ATP2B2: variants seen among roughly 807,000 people sequenced by gnomAD.
ATP2B2 encodes ATPase plasma membrane Ca2+ transporting 2.
Under a neutral mutation model 120.0 loss-of-function variants are expected in ATP2B2, and 15 were observed. The ratio of observed to expected loss-of-function variants is 0.12; its 90% CI spans 0.08 to 0.19. The LOEUF is 0.19. ATP2B2 is among the 10% of genes least tolerant of loss of function. The probability of loss-of-function intolerance (pLI) is 1.00; values close to 1 mark genes in which losing one functional copy is unlikely to be tolerated. For missense variants in ATP2B2, 1,045 were observed against 1,719.8 expected (o/e 0.61, Z 6.94); for synonymous variants, 694 against 700.3 (o/e 0.99, Z 0.14).
At chr3:10,384,467 T>G (rs1837180) in intron 8 of ATP2B2, among the ~76,000 whole-genome samples, 1 of 151,964 alleles carries the variant, frequency 6.6e-6, no homozygotes, top group African/African-American at 2.4e-5. Context: ...AACAAAAGCC[T>G]TGTCTGTTGC....
intron 1 of ATP2B2, among the ~76,000 whole-genome samples, chr3:10,676,524 C>CCACACACA (rs150121114): frequency 3.6e-4 from 54 of 149,210 alleles, no homozygotes; most frequent in African/African-American, 5.9e-4. Context: ...AGGGACAGAA[C>CCACACACA]CACACACACA....
At chr3:10,447,092 C>T (rs1384965011) in intron 2 of ATP2B2, among the ~76,000 whole-genome samples, 1 of 152,234 alleles carries the variant, frequency 6.6e-6, no homozygotes, top group African/African-American at 2.4e-5. Flanking sequence ...AGTGCTGAGT[C>T]CTGGGGTCCT....
intron 1 of ATP2B2, among the ~76,000 whole-genome samples, chr3:10,679,729 C>A (rs899257884): frequency 6.6e-6 from 1 of 152,210 alleles, no homozygotes; most frequent in African/African-American, 2.4e-5. Flanking sequence ...GAAGCAGATT[C>A]ATGTGAATAT....
chr3:10,546,903 C>T (rs574713570), intron 2 of ATP2B2, among the ~76,000 whole-genome samples: 10 of 152,332 alleles, frequency 6.6e-5, no homozygotes, highest in Non-Finnish European at 1.2e-4. Context: ...CCAGACCCTC[C>T]GCTGCCATCA....
At chr3:10,589,156 C>A (rs1442117476) in intron 2 of ATP2B2, among the ~76,000 whole-genome samples, 1 of 152,146 alleles carries the variant, frequency 6.6e-6, no homozygotes, top group Non-Finnish European at 1.5e-5. Context: ...GCTGGCAGAG[C>A]AACACATGGC....
chr3:10,647,537 T>TG (rs2070352133), intron 1 of ATP2B2, among the ~76,000 whole-genome samples: 1 of 152,020 alleles, frequency 6.6e-6, no homozygotes, highest in Admixed American at 6.5e-5. Flanking sequence ...TGTGGGGAAG[T>TG]GGGGAGGATG....
chr3:10,453,114 C>A (rs189343400), intron 1 of ATP2B2, among the ~76,000 whole-genome samples: 2 of 152,206 alleles, frequency 1.3e-5, no homozygotes, highest in Non-Finnish European at 2.9e-5. Flanking sequence ...ATATCTATCT[C>A]AGAGACGCTG....
At chr3:10,645,794 TG>T (rs2070306856) in intron 1 of ATP2B2, among the ~76,000 whole-genome samples, 1 of 152,212 alleles carries the variant, frequency 6.6e-6, no homozygotes, top group African/African-American at 2.4e-5. Context: ...GGGTGATAAT[TG>T]GGTTCCCTTT....
chr3:10,665,971 C>T (rs745644), intron 1 of ATP2B2, among the ~76,000 whole-genome samples: 3,498 of 152,238 alleles, frequency 0.023, 67 homozygotes, highest in South Asian at 0.086. Context: ...CCTGAATGCC[C>T]CTCACTATGC....
At chr3:10,624,603 T>C (rs548422381) in intron 1 of ATP2B2, among the ~76,000 whole-genome samples, 1 of 152,334 alleles carries the variant, frequency 6.6e-6, no homozygotes, top group Non-Finnish European at 1.5e-5. Flanking sequence ...CACGGCTTTG[T>C]CATGTGCCAA....
chr3:10,606,165 T>C (rs2069060141), intron 2 of ATP2B2, among the ~76,000 whole-genome samples: 1 of 152,150 alleles, frequency 6.6e-6, no homozygotes, highest in Non-Finnish European at 1.5e-5. Context: ...CTCGGGTTGC[T>C]GTTTCCAGTG....
intron 3 of ATP2B2, among the ~76,000 whole-genome samples, chr3:10,531,006 G>T (rs551116783): frequency 6.6e-6 from 1 of 152,290 alleles, no homozygotes; most frequent in Non-Finnish European, 1.5e-5. Flanking sequence ...CCCTCAGTTG[G>T]TTTTCCTCTC....
At chr3:10,472,036 G>A (rs919914143) in intron 1 of ATP2B2, among the ~76,000 whole-genome samples, 2 of 144,274 alleles carry the variant, frequency 1.4e-5, no homozygotes, top group Non-Finnish European at 3.0e-5. Flanking sequence ...AGCCGAGATT[G>A]CGCCACTGCA....
chr3:10,603,319 T>C (rs574719960), intron 2 of ATP2B2, among the ~76,000 whole-genome samples: 10 of 152,350 alleles, frequency 6.6e-5, no homozygotes, highest in African/African-American at 2.4e-4. Flanking sequence ...AGTTCTCTAA[T>C]AGAATCGTTT....
chr3:10,439,431 T>C (rs924677142), intron 2 of ATP2B2, among the ~76,000 whole-genome samples: 1 of 152,172 alleles, frequency 6.6e-6, no homozygotes, highest in Non-Finnish European at 1.5e-5. Flanking sequence ...CACAGTCACA[T>C]GCATCCCCTT....
chr3:10,654,096 AC>A, intron 1 of ATP2B2, among the ~76,000 whole-genome samples: 1 of 152,196 alleles, frequency 6.6e-6, no homozygotes, highest in African/African-American at 2.4e-5. Context: ...CCTCCCACAA[AC>A]CCTCTGAGGC....
chr3:10,436,362 T>A (rs1375961651), intron 2 of ATP2B2, among the ~76,000 whole-genome samples: 6 of 152,238 alleles, frequency 3.9e-5, no homozygotes, highest in African/African-American at 1.4e-4. Flanking sequence ...CGTATAATGG[T>A]GTGCGGCTGC....
intron 1 of ATP2B2, among the ~76,000 whole-genome samples, chr3:10,487,366 C>A (rs965392363): frequency 3.3e-5 from 5 of 152,166 alleles, no homozygotes; most frequent in African/African-American, 1.2e-4. Flanking sequence ...AAGCCCTGTG[C>A]TAGAAGGAGG....
chr3:10,479,637 A>G (rs114077230), intron 1 of ATP2B2, among the ~76,000 whole-genome samples: 1,587 of 152,280 alleles, frequency 0.01, 26 homozygotes, highest in African/African-American at 0.037. Flanking sequence ...CATATTATAT[A>G]TATACTTACT....
Sources: allele counts gnomAD v4.1 joint callset (sites outside exome capture counted in the v4.1 genomes callset), GRCh38; gene constraint gnomAD v4.1.1; transcripts MANE v1.5; gene names NCBI Gene and HGNC (gene_info 2026-07-23, HGNC 2026-07-21).